Variants in LSAMP observed in about 807,000 individuals in gnomAD.
LSAMP encodes limbic system associated membrane protein, also known as limbic system-associated membrane protein.
In LSAMP, 7 loss-of-function variants were observed where a neutral mutation model predicts 38.6. That is an observed-to-expected ratio of 0.18 (90% CI 0.10 to 0.34). LSAMP has a LOEUF of 0.34. Ranked by LOEUF, LSAMP falls within the 10% of genes least tolerant of loss-of-function variation. LSAMP has a pLI of 1.00. For synonymous variants in LSAMP, 154 were observed against 166.8 expected (o/e 0.92, Z 0.59); for missense variants, 313 against 420.0 (o/e 0.75, Z 2.23).
intron 1 of LSAMP, among the ~76,000 whole-genome samples, chr3:116,096,711 G>C (rs1174421319): frequency 6.6e-6 from 1 of 152,200 alleles, no homozygotes; most frequent in African/African-American, 2.4e-5. Context: ...AGCTGAAATA[G>C]AGGCCCATGC....
intron 3 of LSAMP, among the ~76,000 whole-genome samples, chr3:116,004,333 C>A (rs905104644): frequency 6.6e-6 from 1 of 151,754 alleles, no homozygotes; most frequent in Non-Finnish European, 1.5e-5. Flanking sequence ...ATACAAGCAA[C>A]AAATTTTCAC....
chr3:115,988,488 T>C (rs914554588), intron 3 of LSAMP, among the ~76,000 whole-genome samples: 1 of 152,036 alleles, frequency 6.6e-6, no homozygotes, highest in Non-Finnish European at 1.5e-5. Flanking sequence ...TTAAGAGAAA[T>C]ATGAGGTCTC....
intron 1 of LSAMP, among the ~76,000 whole-genome samples, chr3:116,322,578 C>T (rs79657937): frequency 0.051 from 7,739 of 152,122 alleles, 264 homozygotes; most frequent in Non-Finnish European, 0.078. Flanking sequence ...TTTGTTTACC[C>T]AGAAGATTCA....
chr3:115,825,910 T>C (rs1313293724), intron 6 of LSAMP, among the ~76,000 whole-genome samples: 1 of 152,202 alleles, frequency 6.6e-6, no homozygotes, highest in Non-Finnish European at 1.5e-5. Flanking sequence ...TGGTTTATCA[T>C]GTTTATTTCT....
chr3:116,009,133 A>G (rs1210828128), intron 3 of LSAMP, among the ~76,000 whole-genome samples: 1 of 152,202 alleles, frequency 6.6e-6, no homozygotes, highest in East Asian at 1.9e-4. Flanking sequence ...TTGTAATAAT[A>G]TTCGGTGAGT....
At chr3:116,060,588 C>A (rs1941576536) in intron 2 of LSAMP, among the ~76,000 whole-genome samples, 1 of 152,134 alleles carries the variant, frequency 6.6e-6, no homozygotes, top group South Asian at 2.1e-4. Flanking sequence ...TGGAGAAACC[C>A]CATCTCTACT....
intron 3 of LSAMP, among the ~76,000 whole-genome samples, chr3:115,891,701 T>G (rs1475034014): frequency 6.6e-6 from 1 of 151,994 alleles, no homozygotes; most frequent in African/African-American, 2.4e-5. Context: ...CCCTTAACTA[T>G]TTGTTCAATT....
At chr3:116,202,615 A>T (rs559744242) in intron 1 of LSAMP, among the ~76,000 whole-genome samples, 12 of 151,718 alleles carry the variant, frequency 7.9e-5, no homozygotes, top group African/African-American at 2.4e-4. Context: ...CAGCTACAGG[A>T]GTCCCGCTTT....
At chr3:115,811,803 A>C (rs1488736600) in intron 6 of LSAMP, among the ~76,000 whole-genome samples, 1 of 152,232 alleles carries the variant, frequency 6.6e-6, no homozygotes, top group African/African-American at 2.4e-5. Flanking sequence ...CGATTTTGTC[A>C]CAACTGCCTT....
intron 1 of LSAMP, among the ~76,000 whole-genome samples, chr3:116,413,583 T>G (rs1464344921): frequency 1.3e-5 from 2 of 152,018 alleles, no homozygotes; most frequent in Non-Finnish European, 2.9e-5. Context: ...TCAGTCACCA[T>G]GAGCAAAGGT....
At chr3:116,222,021 T>C (rs1301048825) in intron 1 of LSAMP, among the ~76,000 whole-genome samples, 1 of 151,992 alleles carries the variant, frequency 6.6e-6, no homozygotes, top group Non-Finnish European at 1.5e-5. Flanking sequence ...TCCCACTCCA[T>C]TGGACTCACC....
rs111569375 is a variant in LSAMP at position 116,157,739 on chromosome 3, G to T, written c.156-71183C>A. Among the ~76,000 whole-genome samples, 583 of 152,002 alleles carry T rather than the reference G, an allele frequency of 3.8e-3. 9 individuals carry two copies. The highest frequency in any genetic ancestry group is 3.7e-3 in the Non-Finnish European group (249 of 67,980). On this transcript the variant is annotated intron_variant, in intron 1 of 6. Transcript: ENST00000490035. ...AGCCTACCAACCAGAAAAAGCCTAT[G>T]GATCCGATGGATTCACAGCCAAATT...
At chr3:116,248,254 T>A (rs966520853) in intron 1 of LSAMP, among the ~76,000 whole-genome samples, 9 of 152,146 alleles carry the variant, frequency 5.9e-5, no homozygotes, top group African/African-American at 1.9e-4. Context: ...AAATAGAATC[T>A]TACCTTTCAG....
At position 115,808,068 on chromosome 3, in the gene LSAMP, GCCTT is replaced by G. The variant is rs1286848784; in HGVS notation, c.*2245_*2248del. 7.2e-6 allele frequency: 1 copy of G among 138,050 alleles called. No individual in the cohort carries two copies. Among genetic ancestry groups the G allele is most frequent in the African/African-American group, 2.8e-5 (1 of 35,316 alleles). 8.6% of individuals were successfully genotyped at this position (138,050 alleles called of 1,614,324 possible). A position where few individuals can be genotyped will look rare whatever the true frequency, so the allele number is the denominator to read the frequency against. On this transcript the variant is annotated 3_prime_UTR_variant, in exon 7 of 7. Transcript: ENST00000490035. ...TGCTACTTAGATCTTTCTCCCTCCT[GCCTT>G]CCTTTCCTTTCTCCTTCCTTCCTTC...
intron 1 of LSAMP, among the ~76,000 whole-genome samples, chr3:116,222,720 CTTTTTTTTTTTTTTTTTTTTTT>C (rs71141863): frequency 1.4e-4 from 7 of 49,928 alleles, no homozygotes; most frequent in Admixed American, 3.2e-4. Flanking sequence ...TCATCCTCTC[CTTTTTTTTTTTTTTTTTTTTTT>C]TTTTTTTTTT....
chr3:116,421,528 G>A (rs1279267081), intron 1 of LSAMP, among the ~76,000 whole-genome samples: 3 of 122,962 alleles, frequency 2.4e-5, no homozygotes, highest in African/African-American at 6.4e-5. Flanking sequence ...TGGGCAACAA[G>A]AGCAAGATTC....
intron 3 of LSAMP, among the ~76,000 whole-genome samples, chr3:116,008,785 G>T (rs1226793161): frequency 1.3e-5 from 2 of 152,034 alleles, no homozygotes; most frequent in African/African-American, 4.8e-5. Flanking sequence ...GTGGGGAAAG[G>T]TCCCTAACTG....
intron 1 of LSAMP, among the ~76,000 whole-genome samples, chr3:116,326,649 T>C (rs926153918): frequency 2.1e-4 from 32 of 152,180 alleles, no homozygotes; most frequent in African/African-American, 7.5e-4. Flanking sequence ...CTTTCCACAG[T>C]TGATACCATT....
chr3:116,097,198 G>T (rs966297071), intron 1 of LSAMP, among the ~76,000 whole-genome samples: 7 of 139,158 alleles, frequency 5.0e-5, no homozygotes, highest in African/African-American at 2.1e-4. Context: ...GATACCAAAA[G>T]CATTGCTAAG....
Sources: allele counts gnomAD v4.1 joint callset (sites outside exome capture counted in the v4.1 genomes callset), GRCh38; gene constraint gnomAD v4.1.1; transcripts MANE v1.5; gene names NCBI Gene and HGNC (gene_info 2026-07-23, HGNC 2026-07-21).